Variants in GGA3 observed in about 807,000 individuals in gnomAD.
GGA3 encodes golgi associated, gamma adaptin ear containing, ARF binding protein 3.
GGA3 carries 57 observed loss-of-function variants against 77.5 expected under a neutral mutation model. The ratio of observed to expected loss-of-function variants is 0.74; its 90% CI spans 0.59 to 0.92. The LOEUF is 0.92. Ranked by LOEUF, GGA3 falls within the 40% of genes least tolerant of loss-of-function variation. The pLI is 0.00. For synonymous variants in GGA3, 416 were observed against 383.7 expected (o/e 1.08, Z -0.98); for missense variants, 970 against 914.9 (o/e 1.06, Z -0.78).
chr17:75,239,221 T>C, intron 14 of GGA3, 138 bp from the exon 15 acceptor site: 1 of 974,300 alleles, frequency 1.0e-6, no homozygotes, highest in Non-Finnish European at 1.5e-6. Context: ...AGGCGCTCAG[T>C]GAGGAGCTTA....
chr17:75,238,815 AC>A, intron 15 of GGA3, 53 bp from the exon 16 acceptor site: 1 of 1,568,918 alleles, frequency 6.4e-7, no homozygotes. Flanking sequence ...CCCAGATGGA[AC>A]CTGCAGTGCA....
chr17:75,242,724 C>T, intron 7 of GGA3, 107 bp downstream of exon 7: 1 of 1,024,478 alleles, frequency 9.8e-7, no homozygotes, highest in South Asian at 1.3e-5. Flanking sequence ...GGTAGGGCAG[C>T]TGGCAGCAGG....
At chr17:75,238,475 G>A in intron 16 of GGA3, 86 bp from the exon 17 acceptor site, 2 of 1,226,674 alleles carry the variant, frequency 1.6e-6, no homozygotes, top group East Asian at 2.4e-5. Flanking sequence ...CTGTGCTAGA[G>A]GAATGGTCCC....
intron 4 of GGA3, 147 bp from the exon 5 acceptor site, chr17:75,243,717 T>C (rs2076657271): frequency 1.4e-6 from 1 of 731,170 alleles, no homozygotes. Flanking sequence ...TGAGACAGCG[T>C]GGGGAGGGGA....
chr17:75,248,390 G>A (rs545230890), intron 1 of GGA3, among the ~76,000 whole-genome samples: 32 of 148,724 alleles, frequency 2.2e-4, no homozygotes, highest in African/African-American at 6.7e-4. Context: ...AGAATGGCGC[G>A]AACCCGGGGG....
upstream of GGA3, chr17:75,261,870 A>C (rs755505660): frequency 6.2e-7 from 1 of 1,600,196 alleles, no homozygotes; most frequent in East Asian, 2.2e-5. Context: ...CGCCGAGGGC[A>C]GTCCTTGTGG....
At chr17:75,257,086 C>G (rs2077176116) in intron 1 of GGA3, among the ~76,000 whole-genome samples, 1 of 151,958 alleles carries the variant, frequency 6.6e-6, no homozygotes, top group African/African-American at 2.4e-5. Flanking sequence ...GACTAAAGGT[C>G]TTTTAAAAAC....
intron 4 of GGA3, 135 bp from the exon 5 acceptor site, chr17:75,243,705 T>C (rs1400045979): frequency 8.7e-6 from 7 of 802,722 alleles, no homozygotes; most frequent in Non-Finnish European, 1.4e-5. Context: ...TCCAAGTGTG[T>C]GTGAGACAGC....
At chr17:75,261,029 C>T (rs926895106) in intron 1 of GGA3, among the ~76,000 whole-genome samples, 6 of 152,228 alleles carry the variant, frequency 3.9e-5, no homozygotes, top group African/African-American at 1.4e-4. Context: ...ATATTATTCT[C>T]ACTTCAAGCA....
chr17:75,240,962 G>T lies in GGA3; in HGVS notation c.1042C>A (p.Pro348Thr). The change falls in exon 11 of 17, where the codon CCA (proline) becomes ACA (threonine). Residue 348 changes from proline (P) to threonine (T), a missense_variant. Pro to Thr is a conservative substitution (Grantham distance 38). Coordinates refer to ENST00000537686, the MANE Select transcript of GGA3 (RefSeq NM_138619.4). ...LSSVLAPAPT[P>T]PSSGIPILPP... ...AGGATTGGGATGCCTGAGGAGGGTG[G>T]AGTAGGTGCTGGGGCCAACACGGAG... 1 of 1,614,142 alleles carries T rather than the reference G, an allele frequency of 6.2e-7. No homozygotes were observed. Among genetic ancestry groups the T allele is most frequent in the Non-Finnish European group, 8.5e-7 (1 of 1,179,996 alleles).
intron 1 of GGA3, among the ~76,000 whole-genome samples, chr17:75,249,340 G>T (rs908413096): frequency 1.3e-5 from 2 of 152,154 alleles, no homozygotes; most frequent in Non-Finnish European, 2.9e-5. Flanking sequence ...ACCGCACCCC[G>T]CCTAGGTTCC....
rs1386901265 is a variant in GGA3 at position 75,261,595 on chromosome 17, C to G, written c.-8G>C. 3 of 1,540,884 alleles carry G rather than the reference C, an allele frequency of 1.9e-6. No homozygotes were observed. In the Admixed American group the frequency reaches 6.3e-5, roughly 32 times the overall value. The stretch of plus-strand genomic sequence containing the variant: ...CCCTTCCGCCTCCGCCATATTGCAG[C>G]CGCCCGGCCCCGCGGCTTCAAAACT... On this transcript the variant is annotated 5_prime_UTR_variant, in exon 1 of 17. Coordinates refer to ENST00000537686, the MANE Select transcript of GGA3 (RefSeq NM_138619.4).
In GGA3 at chr17:75,239,933, C is replaced by G. The variant is rs781250687; in HGVS notation, c.1439G>C (p.Gly480Ala). 2.3e-5 allele frequency: 37 copies of G among 1,599,088 alleles called. No homozygotes were observed. The highest frequency in any genetic ancestry group is 1.2e-4 in the African/African-American group (9 of 74,402). The stretch of plus-strand genomic sequence containing the variant: ...CACTCCAGTAGAAAACAAGGAGGAG[C>G]CCGCACTGGGGGCAGGAACACTGGC... The part of the protein sequence containing the change: ...VPASVPAPSA[G>A]SSLFSTGVAP... Residue 480 changes from glycine (G) to alanine (A), a missense_variant, in exon 13 of 17, where the codon GGC becomes GCC. Coordinates refer to ENST00000537686, the MANE Select transcript of GGA3 (RefSeq NM_138619.4).
At chr17:75,244,214 G>A (rs1188203120) in intron 4 of GGA3, among the ~76,000 whole-genome samples, 5 of 152,098 alleles carry the variant, frequency 3.3e-5, no homozygotes, top group African/African-American at 7.3e-5. Flanking sequence ...CCAGAGCTGC[G>A]CCACACCAGC....
intron 1 of GGA3, among the ~76,000 whole-genome samples, chr17:75,249,277 G>A (rs930949893): frequency 2.0e-5 from 3 of 152,136 alleles, no homozygotes; most frequent in South Asian, 2.1e-4. Context: ...CTCAGGTAAG[G>A]AGGTCAAGAC....
chr17:75,242,026 C>T (rs1180440078), intron 8 of GGA3: 1 of 542,478 alleles, frequency 1.8e-6, no homozygotes, highest in Non-Finnish European at 3.3e-6. Context: ...AAGGAAGCCT[C>T]TCTGTCTTGA....
In GGA3 at chr17:75,239,855, A is replaced by G. The variant is rs1477871834; in HGVS notation, c.1517T>C (p.Leu506Ser). 3.1e-6 allele frequency: 5 copies of G among 1,614,028 alleles called. No individual in the cohort carries two copies. The East Asian group carries it at 1.1e-4, about 36-fold the overall frequency. The change falls in exon 13 of 17, where the codon TTG becomes TCG. Residue 506 changes from leucine to serine, a missense_variant. By Grantham distance (145) the Leu-to-Ser change is moderately radical (BLOSUM62 -2). Coordinates refer to ENST00000537686, the MANE Select transcript of GGA3 (RefSeq NM_138619.4). ...GTGCAGCGCGCTGTTGCCCAACGCC[A>G]AGCCATGGTGCCCAGGGACTGCGGG... Reference protein sequence around the residue: ...VEPAVPGHHGLALGNSALHHL... With the variant: ...VEPAVPGHHGSALGNSALHHL...
intron 15 of GGA3, 21 bp downstream of exon 15, chr17:75,238,893 G>A (rs2076418348): frequency 6.2e-7 from 1 of 1,612,092 alleles, no homozygotes; most frequent in South Asian, 1.1e-5. Context: ...GGCCGTTTTG[G>A]CCCCAGGGAG....
intron 1 of GGA3, among the ~76,000 whole-genome samples, chr17:75,257,280 C>A (rs1017748518): frequency 7.5e-5 from 1 of 13,382 alleles, no homozygotes; most frequent in Non-Finnish European, 1.5e-4. Flanking sequence ...TAGACTGTGC[C>A]CCCCCCCCCA....
Sources: allele counts gnomAD v4.1 joint callset (sites outside exome capture counted in the v4.1 genomes callset), GRCh38; gene constraint gnomAD v4.1.1; transcripts MANE v1.5; gene names NCBI Gene and HGNC (gene_info 2026-07-23, HGNC 2026-07-21).